The following EPHB1 variants were observed in gnomAD, a reference collection of about 807,000 sequenced individuals.
EPHB1 encodes ephrin type-B receptor 1.
In EPHB1, 30 loss-of-function variants were observed where a neutral mutation model predicts 94.4. The ratio of observed to expected loss-of-function variants is 0.32; its 90% CI spans 0.24 to 0.43. EPHB1 has a LOEUF of 0.43. EPHB1 is among the 20% of genes least tolerant of loss of function. The pLI, the probability that EPHB1 is intolerant of heterozygous loss-of-function variation, is 1.00. For synonymous variants in EPHB1, 522 were observed against 489.1 expected (o/e 1.07, Z -0.89); for missense variants, 1,055 against 1,308.3 (o/e 0.81, Z 2.99).
At chr3:135,208,242 C>T (rs897484717) in intron 12 of EPHB1, among the ~76,000 whole-genome samples, 15 of 151,554 alleles carry the variant, frequency 9.9e-5, no homozygotes, top group African/African-American at 2.4e-4. Flanking sequence ...CTTCCCCAAA[C>T]GCTGTGATAG....
chr3:135,027,795 A>AGGGAGGATTCCCTCTTTTTCTATTG (rs1553723805), intron 3 of EPHB1, among the ~76,000 whole-genome samples: 3 of 129,570 alleles, frequency 2.3e-5, no homozygotes, highest in Non-Finnish European at 5.1e-5. Flanking sequence ...TTTCAGAAGG[A>AGGGAGGATTCCCTCTTTTTCTATTG]ATGGTACCAG....
intron 3 of EPHB1, among the ~76,000 whole-genome samples, chr3:135,088,517 A>G (rs527803320): frequency 3.3e-4 from 50 of 152,254 alleles, no homozygotes; most frequent in African/African-American, 1.2e-3. Flanking sequence ...GTTGGATGGC[A>G]CTCCATGGTG....
intron 1 of EPHB1, among the ~76,000 whole-genome samples, chr3:134,888,706 CAAAAAAAAA>C (rs55786916): frequency 1.8e-5 from 2 of 109,708 alleles, no homozygotes; most frequent in African/African-American, 7.0e-5. Flanking sequence ...GACTCCATCT[CAAAAAAAAA>C]AAAAAAAAGA....
At chr3:135,241,078 A>G in intron 12 of EPHB1, 70 bp from the exon 13 acceptor site, 1 of 1,595,836 alleles carries the variant, frequency 6.3e-7, no homozygotes, top group Non-Finnish European at 8.6e-7. Context: ...TGTGCATGCC[A>G]AGTTTTTTAT....
intron 1 of EPHB1, among the ~76,000 whole-genome samples, chr3:134,903,760 A>T (rs2038255353): frequency 6.6e-6 from 1 of 152,186 alleles, no homozygotes; most frequent in Non-Finnish European, 1.5e-5. Context: ...AACCAGACAG[A>T]GTTGGAAGGA....
intron 10 of EPHB1, among the ~76,000 whole-genome samples, chr3:135,187,879 C>T (rs879043969): frequency 6.6e-6 from 1 of 152,148 alleles, no homozygotes; most frequent in Non-Finnish European, 1.5e-5. Flanking sequence ...TGCACTCCCC[C>T]TCCCAACTAC....
intron 3 of EPHB1, among the ~76,000 whole-genome samples, chr3:135,096,608 C>T (rs1190895095): frequency 6.6e-6 from 1 of 152,214 alleles, no homozygotes; most frequent in Non-Finnish European, 1.5e-5. Context: ...CTAGGAAGTC[C>T]AAGATCAATG....
At position 135,070,449 on chromosome 3, in the gene EPHB1, C is replaced by T. The variant is rs149417876; in HGVS notation, c.806-35999C>T. Reference sequence around the variant, plus strand: ...GAAAGCCAGGGTGCCTCTAGACTTACGCACCAGCATTACTTGGAGTACTGA... The same window carrying T: ...GAAAGCCAGGGTGCCTCTAGACTTATGCACCAGCATTACTTGGAGTACTGA... On this transcript the variant is annotated intron_variant, in intron 3 of 15. Transcript: ENST00000398015. Among the ~76,000 whole-genome samples the T allele has an allele frequency of 2.6e-4, 39 of 152,268 alleles. No homozygotes were observed. In the East Asian group the frequency reaches 6.4e-3, roughly 25 times the overall value.
In EPHB1 at chr3:135,162,330, A is replaced by C; in HGVS notation, c.1585+150A>C. On this transcript the variant is annotated intron_variant, in intron 7 of 15. Transcript: ENST00000398015. ...AAACGGTTTGCCTCCCAGTAGGGCC[A>C]TGTAGATTTTCCTGATGTCTGGCTC... The C allele has an allele frequency of 7.5e-6, 7 of 934,750 alleles. No homozygotes were observed. In the South Asian group the frequency reaches 1.4e-4, roughly 18 times the overall value. The allele number at this position is 934,750 out of a possible 1,614,324, so 57.9% of individuals were successfully genotyped here. A position where few individuals can be genotyped will look rare whatever the true frequency, so the allele number is the denominator to read the frequency against.
At chr3:135,021,835 G>A (rs2107754729) in intron 3 of EPHB1, among the ~76,000 whole-genome samples, 1 of 152,212 alleles carries the variant, frequency 6.6e-6, no homozygotes, top group South Asian at 2.1e-4. Flanking sequence ...TGAAAGAATA[G>A]TAAAGAAGAA....
At chr3:134,948,576 G>A (rs1308445036) in intron 2 of EPHB1, among the ~76,000 whole-genome samples, 1 of 152,260 alleles carries the variant, frequency 6.6e-6, no homozygotes, top group Non-Finnish European at 1.5e-5. Context: ...GAATCAATAA[G>A]GAATTAGGCA....
At chr3:134,926,820 AG>A (rs1202173315) in intron 2 of EPHB1, among the ~76,000 whole-genome samples, 1 of 152,234 alleles carries the variant, frequency 6.6e-6, no homozygotes, top group Non-Finnish European at 1.5e-5. Context: ...AAGGCATTTA[AG>A]AGGCTCTTTC....
chr3:134,973,790 A>G (rs1328247345), intron 3 of EPHB1, among the ~76,000 whole-genome samples: 1 of 152,202 alleles, frequency 6.6e-6, no homozygotes, highest in African/African-American at 2.4e-5. Flanking sequence ...AAGGGTTGGT[A>G]GGAGTGGGAT....
chr3:135,247,938 T>C (rs1045192808), intron 13 of EPHB1, among the ~76,000 whole-genome samples: 3 of 152,208 alleles, frequency 2.0e-5, no homozygotes, highest in Admixed American at 2.0e-4. Context: ...TGTGTCATTG[T>C]TTCATCACTC....
At chr3:135,242,758 C>A (rs1943816486) in intron 13 of EPHB1, among the ~76,000 whole-genome samples, 1 of 152,094 alleles carries the variant, frequency 6.6e-6, no homozygotes, top group South Asian at 2.1e-4. Flanking sequence ...ATACCAGCTG[C>A]TAAATAAGTA....
intron 3 of EPHB1, among the ~76,000 whole-genome samples, chr3:135,025,058 G>A (rs1936103451): frequency 6.7e-6 from 1 of 148,980 alleles, no homozygotes; most frequent in South Asian, 2.1e-4. Flanking sequence ...TTTGTTAAAT[G>A]TAGCGTGTTT....
At chr3:135,069,339 G>A (rs913567923) in intron 3 of EPHB1, among the ~76,000 whole-genome samples, 1 of 151,996 alleles carries the variant, frequency 6.6e-6, no homozygotes, top group Non-Finnish European at 1.5e-5. Flanking sequence ...TCTGAGCAGG[G>A]GATTTCATAG....
intron 3 of EPHB1, among the ~76,000 whole-genome samples, chr3:135,080,988 C>CACCACTGCCTGTTGCTTTT (rs1938144095): frequency 6.6e-6 from 1 of 152,318 alleles, no homozygotes; most frequent in African/African-American, 2.4e-5. Context: ...ACTGAATATT[C>CACCACTGCCTGTTGCTTTT]ACCACTGCCT....
intron 1 of EPHB1, among the ~76,000 whole-genome samples, chr3:134,864,464 C>G (rs1305072917): frequency 1.3e-5 from 2 of 152,184 alleles, no homozygotes; most frequent in Non-Finnish European, 2.9e-5. Context: ...TTTTCTAAAC[C>G]TTGTCTCAGG....
Sources: gnomAD v4.1 joint callset for allele counts (sites outside exome capture counted in the v4.1 genomes callset) on GRCh38, gnomAD v4.1.1 for gene constraint, MANE v1.5 for transcripts, NCBI Gene and HGNC (gene_info 2026-07-23, HGNC 2026-07-21) for gene names.